Variants in TMCO5A observed in about 807,000 individuals in gnomAD.
TMCO5A encodes transmembrane and coiled-coil domains 5A.
A neutral mutation model predicts 42.3 loss-of-function variants in TMCO5A; 34 were observed. The observed-to-expected ratio is 0.80, with a 90% confidence interval of 0.61 to 1.07. The LOEUF (loss-of-function observed/expected upper bound fraction) is 1.07. Ranked by LOEUF, TMCO5A falls within the 50% of genes least tolerant of loss-of-function variation. TMCO5A has a pLI of 0.00. For missense variants in TMCO5A, 357 were observed against 327.9 expected (o/e 1.09, Z -0.69); for synonymous variants, 131 against 115.6 (o/e 1.13, Z -0.86).
chr15:38,021,005 T>C, the TMCO5A span, among the ~76,000 whole-genome samples: 1 of 152,144 alleles, frequency 6.6e-6, no homozygotes, highest in African/African-American at 2.4e-5. Context: ...TTTAGGTGGA[T>C]AACAAAAATG....
At chr15:37,937,007 G>T (rs1260749567) in intron 4 of TMCO5A, 37 bp downstream of exon 4, 7 of 1,608,582 alleles carry the variant, frequency 4.4e-6, no homozygotes, top group African/African-American at 1.3e-5. Context: ...TTAATAGGTT[G>T]CATTCCTCAT....
At chr15:37,995,845 C>CA in the TMCO5A span, among the ~76,000 whole-genome samples, 4,463 of 140,912 alleles carry the variant, frequency 0.032, 196 homozygotes, top group African/African-American at 0.11. Flanking sequence ...CAATCCCCTC[C>CA]AAAAAAAAAA....
intron 2 of TMCO5A, chr15:37,935,970 T>C (rs1202652617): frequency 1.2e-5 from 2 of 164,802 alleles, no homozygotes; most frequent in African/African-American, 4.8e-5. Context: ...GCAGGTTTTG[T>C]GAATAGTTTA....
chr15:38,036,489 CTCT>C, the TMCO5A span, among the ~76,000 whole-genome samples: 45 of 92,748 alleles, frequency 4.9e-4, no homozygotes, highest in African/African-American at 1.8e-3. Context: ...TTTTGTCTCT[CTCT>C]CTCTCACACA....
the TMCO5A span, among the ~76,000 whole-genome samples, chr15:38,009,364 T>C: frequency 6.6e-6 from 1 of 152,240 alleles, no homozygotes; most frequent in South Asian, 2.1e-4. Context: ...TCTAGTTCTT[T>C]AGACCTTCAA....
At chr15:38,020,090 T>G in the TMCO5A span, 1 of 152,068 alleles carries the variant, frequency 6.6e-6, no homozygotes, top group African/African-American at 2.4e-5. Context: ...ACTCCTGGGA[T>G]CAAGTGATCC....
chr15:38,021,393 C>T, the TMCO5A span, among the ~76,000 whole-genome samples: 1 of 152,276 alleles, frequency 6.6e-6, no homozygotes, highest in South Asian at 2.1e-4. Flanking sequence ...AACTCAGAAA[C>T]TCAGCATATT....
In TMCO5A at chr15:37,936,444, A is replaced by C. The variant is rs761990541; in HGVS notation, c.121A>C (p.Arg41=). The C allele has an allele frequency of 2.4e-5, 38 of 1,612,650 alleles. 2 individuals are homozygous for C. In the Admixed American group the frequency reaches 3.2e-4, roughly 13 times the overall value. The stretch of plus-strand genomic sequence containing the variant: ...GAAACTTCTTCTCAAAATCCAAGAG[A>C]GGGAAGATAAGATTCAGAGGTGAGT... The part of the protein sequence containing the change: ...NQKLLLKIQE[R]EDKIQRLESE... The change falls in exon 3 of 12, where the codon AGG becomes CGG. Residue 41 remains arginine (R), a synonymous_variant. Transcript: ENST00000319669.
chr15:37,941,004 TG>T, intron 6 of TMCO5A, 144 bp from the exon 7 acceptor site: 1 of 661,928 alleles, frequency 1.5e-6, no homozygotes, highest in Non-Finnish European at 2.7e-6. Flanking sequence ...CAAACGGTGC[TG>T]GGTGGCTTAA....
intron 8 of TMCO5A, 67 bp from the exon 9 acceptor site, chr15:37,942,124 T>C: frequency 6.9e-7 from 1 of 1,454,670 alleles, no homozygotes; most frequent in Non-Finnish European, 9.5e-7. Context: ...AACAAGTGCT[T>C]ATTATGCTTA....
chr15:37,945,428 C>T (rs560854523), intron 10 of TMCO5A, among the ~76,000 whole-genome samples: 205 of 152,192 alleles, frequency 1.3e-3, no homozygotes, highest in African/African-American at 4.8e-3. Flanking sequence ...ATTTCTGCCT[C>T]TAGGTCTCTG....
intron 4 of TMCO5A, 126 bp from the exon 5 acceptor site, chr15:37,937,220 T>G: frequency 8.3e-7 from 1 of 1,203,936 alleles, no homozygotes; most frequent in East Asian, 2.3e-5. Context: ...AATATACACA[T>G]GACATTATGC....
intron 11 of TMCO5A, among the ~76,000 whole-genome samples, chr15:37,958,984 C>G (rs1170763485): frequency 6.6e-6 from 1 of 151,942 alleles, no homozygotes; most frequent in African/African-American, 2.4e-5. Flanking sequence ...ATGGATGAAG[C>G]TGGAAACCAT....
In TMCO5A at chr15:37,937,338, T is replaced by C. The variant is rs764557736; in HGVS notation, c.265-8T>C. 1.2e-6 allele frequency: 2 copies of C among 1,613,002 alleles called. No homozygotes were observed. Among genetic ancestry groups the C allele is most frequent in the East Asian group, 4.5e-5 (2 of 44,824 alleles). On this transcript the variant is annotated splice_region_variant and splice_polypyrimidine_tract_variant and intron_variant, in intron 4 of 11. Coordinates refer to ENST00000319669, the MANE Select transcript of TMCO5A (RefSeq NM_152453.4). Reference sequence around the variant, plus strand: ...AGGCAGATTTACACTGTTATTTCTCTCTCACAGGAAAGGAAGAATAAGACG... The same window carrying C: ...AGGCAGATTTACACTGTTATTTCTCCCTCACAGGAAAGGAAGAATAAGACG...
At chr15:37,949,671 C>A (rs1038389310) in intron 11 of TMCO5A, among the ~76,000 whole-genome samples, 2 of 150,068 alleles carry the variant, frequency 1.3e-5, no homozygotes, top group African/African-American at 4.9e-5. Context: ...ACAGTATATA[C>A]AAAAGGCAAG....
chr15:37,938,183 C>A lies in TMCO5A; in HGVS notation c.341C>A (p.Thr114Asn). The change falls in exon 6 of 12, where the codon ACC becomes AAC. Residue 114 changes from threonine to asparagine, a missense_variant. Coordinates refer to ENST00000319669, the MANE Select transcript of TMCO5A (RefSeq NM_152453.4). ...CTTACAAGGAAATCACAAAAGATAA[C>A]CAATTGTGAACAAAGCAGTCCAGAT... ...QKLTRKSQKITNCEQSSPDGA... is the reference protein window; with the variant it reads ...QKLTRKSQKINNCEQSSPDGA... The A allele has an allele frequency of 6.3e-7, 1 of 1,581,876 alleles. No homozygotes were observed. The highest frequency in any genetic ancestry group is 8.6e-7 in the Non-Finnish European group (1 of 1,162,676).
chr15:38,023,698 C>T, the TMCO5A span, among the ~76,000 whole-genome samples: 2 of 152,112 alleles, frequency 1.3e-5, no homozygotes, highest in Admixed American at 6.5e-5. Context: ...TGCAAGGTGA[C>T]AATTGGCAAA....
the TMCO5A span, among the ~76,000 whole-genome samples, chr15:38,034,283 A>G: frequency 1.3e-5 from 2 of 152,202 alleles, no homozygotes; most frequent in African/African-American, 4.8e-5. Flanking sequence ...AAGTTTCAAC[A>G]TATTAATTTT....
At chr15:37,954,650 A>G (rs569166104), downstream of TMCO5A, among the ~76,000 whole-genome samples, 11 of 152,272 alleles carry the variant, frequency 7.2e-5, no homozygotes, top group South Asian at 2.3e-3. Context: ...ACAGAAAAAC[A>G]CAACATTATA....
Sources: gnomAD v4.1 joint callset for allele counts (sites outside exome capture counted in the v4.1 genomes callset) on GRCh38, gnomAD v4.1.1 for gene constraint, MANE v1.5 for transcripts, NCBI Gene and HGNC (gene_info 2026-07-23, HGNC 2026-07-21) for gene names.